The following MOXD1 variants were observed in gnomAD, a reference collection of about 807,000 sequenced individuals.
MOXD1 encodes monooxygenase DBH like 1.
In MOXD1, 62 loss-of-function variants were observed where a neutral mutation model predicts 66.6. The ratio of observed to expected loss-of-function variants is 0.93; its 90% CI spans 0.76 to 1.15. The LOEUF (loss-of-function observed/expected upper bound fraction) is 1.15. MOXD1 is among the 50% of genes most tolerant of loss of function. The pLI, the probability that MOXD1 is intolerant of heterozygous loss-of-function variation, is 0.00. For synonymous variants in MOXD1, 303 were observed against 281.9 expected (o/e 1.07, Z -0.75); for missense variants, 847 against 754.6 (o/e 1.12, Z -1.44).
rs1775223850 is a variant in MOXD1 at position 132,327,997 on chromosome 6, T to C, written c.946+16A>G. On this transcript the variant is annotated intron_variant, in intron 6 of 11. Transcript: ENST00000367963. ...TTATAAAAATCATAGGTAAAACATA[T>C]GAATAATAAACTCACCTTCCTCATA... 1.9e-6 allele frequency: 3 copies of C among 1,591,738 alleles called. No homozygotes were observed. Among genetic ancestry groups the C allele is most frequent in the East Asian group, 4.5e-5 (2 of 44,714 alleles).
At chr6:132,303,728 C>CACACACACACACACACAT (rs1774604439) in intron 10 of MOXD1, among the ~76,000 whole-genome samples, 2 of 144,336 alleles carry the variant, frequency 1.4e-5, no homozygotes, top group African/African-American at 5.3e-5. Context: ...CACACACACA[C>CACACACACACACACACAT]ACACACATTT....
chr6:132,349,379 A>G (rs143995192), intron 4 of MOXD1, among the ~76,000 whole-genome samples: 12,357 of 108,658 alleles, frequency 0.11, 1,643 homozygotes, highest in South Asian at 0.16. Flanking sequence ...ATATATATAC[A>G]TGTATATATA....
chr6:132,349,447 AT>A (rs1775751720), intron 4 of MOXD1, among the ~76,000 whole-genome samples: 2 of 55,974 alleles, frequency 3.6e-5, no homozygotes, highest in Non-Finnish European at 5.7e-5. Flanking sequence ...ATATATATAT[AT>A]ATACATATAT....
intron 4 of MOXD1, among the ~76,000 whole-genome samples, 186 bp from the exon 5 acceptor site, chr6:132,328,780 G>C (rs1358843051): frequency 6.6e-6 from 1 of 152,222 alleles, no homozygotes; most frequent in Non-Finnish European, 1.5e-5. Flanking sequence ...AAGATATGAT[G>C]ATGACAACGG....
At chr6:132,339,963 C>A (rs138968468) in intron 4 of MOXD1, among the ~76,000 whole-genome samples, 4 of 151,766 alleles carry the variant, frequency 2.6e-5, no homozygotes, top group Admixed American at 2.6e-4. Context: ...TTTGCCTCCC[C>A]GGTTCAAGTA....
intron 4 of MOXD1, among the ~76,000 whole-genome samples, chr6:132,367,473 A>G (rs1475113567): frequency 3.3e-5 from 5 of 152,104 alleles, no homozygotes; most frequent in Admixed American, 2.0e-4. Flanking sequence ...AAACTGAGGC[A>G]CAGAGAGGTA....
chr6:132,362,349 T>C (rs1365634442), intron 4 of MOXD1, among the ~76,000 whole-genome samples: 1 of 152,198 alleles, frequency 6.6e-6, no homozygotes, highest in Non-Finnish European at 1.5e-5. Flanking sequence ...TTAGAACAAC[T>C]TCTCAGTTAT....
chr6:132,299,090 CCA>C (rs1774473066), intron 10 of MOXD1, among the ~76,000 whole-genome samples: 1 of 152,042 alleles, frequency 6.6e-6, no homozygotes, highest in Admixed American at 6.6e-5. Context: ...TACTATGTAG[CCA>C]CACAAAAAAA....
intron 1 of MOXD1, among the ~76,000 whole-genome samples, chr6:132,375,484 G>T (rs933617726): frequency 6.6e-6 from 1 of 152,090 alleles, no homozygotes; most frequent in African/African-American, 2.4e-5. Context: ...GAGTGCAATG[G>T]CATGACCTCT....
intron 10 of MOXD1, among the ~76,000 whole-genome samples, chr6:132,302,966 G>T (rs1214673434): frequency 1.3e-5 from 2 of 152,000 alleles, no homozygotes. Context: ...TTCATCAAAT[G>T]GTTCTTGCAC....
intron 9 of MOXD1, among the ~76,000 whole-genome samples, chr6:132,318,419 G>T (rs1336186110): frequency 6.6e-6 from 1 of 151,918 alleles, no homozygotes; most frequent in African/African-American, 2.4e-5. Context: ...TTTATATTTG[G>T]TTTTAAACAA....
At chr6:132,300,880 G>A (rs1774518936) in intron 10 of MOXD1, among the ~76,000 whole-genome samples, 1 of 151,962 alleles carries the variant, frequency 6.6e-6, no homozygotes, top group Non-Finnish European at 1.5e-5. Context: ...CTTGGTTTAG[G>A]CCCCTGTTCT....
chr6:132,313,584 A>G (rs2114552311), intron 10 of MOXD1, among the ~76,000 whole-genome samples: 1 of 152,242 alleles, frequency 6.6e-6, no homozygotes, highest in Non-Finnish European at 1.5e-5. Flanking sequence ...TCCTCACTGA[A>G]TGTTTTTTCA....
At chr6:132,352,274 G>A (rs1047153973) in intron 4 of MOXD1, among the ~76,000 whole-genome samples, 9 of 152,132 alleles carry the variant, frequency 5.9e-5, no homozygotes, top group East Asian at 5.8e-4. Flanking sequence ...ATTTAGGGCC[G>A]TGAACTTTCC....
Position 132,378,703 on chromosome 6 carries a change from A to C in MOXD1, c.265-3926T>G, listed in dbSNP as rs79927948. Reference sequence around the variant, plus strand: ...ACAAAAACCAGCCAAAGTCATTCAGAAAAACAGAGGTACTCTGAATAGCTT... The same window carrying C: ...ACAAAAACCAGCCAAAGTCATTCAGCAAAACAGAGGTACTCTGAATAGCTT... On this transcript the variant is annotated intron_variant, in intron 1 of 11. Coordinates refer to ENST00000367963, the MANE Select transcript of MOXD1 (RefSeq NM_015529.4). Among the ~76,000 whole-genome samples, 1,475 of 152,166 alleles carry C rather than the reference A, an allele frequency of 9.7e-3. 25 individuals carry two copies. Among genetic ancestry groups the C allele is most frequent in the African/African-American group, 0.034 (1,394 of 41,532 alleles).
rs546234630 is a variant in MOXD1 at position 132,357,930 on chromosome 6, T to C, written c.663+14678A>G. On this transcript the variant is annotated intron_variant, in intron 4 of 11. Transcript: ENST00000367963. ...TTTTCTGCAACCATGAAATAAAATG[T>C]TGACAAAAGCAAACAGAAGGTTTAG... Among the ~76,000 whole-genome samples, 157 of 152,142 alleles carry C rather than the reference T, an allele frequency of 1.0e-3. 1 individual carries two copies. Among genetic ancestry groups the C allele is most frequent in the Admixed American group, 1.3e-3 (20 of 15,272 alleles).
chr6:132,303,835 G>A lies in MOXD1; in HGVS notation c.1509-5880C>T, dbSNP rs2788118. On this transcript the variant is annotated intron_variant, in intron 10 of 11. Transcript: ENST00000367963. The stretch of plus-strand genomic sequence containing the variant: ...TGTGTGTGTGTGTGTGTGTGTGTGT[G>A]TATATATATATATATATATATATAT... Among the ~76,000 whole-genome samples, 241 of 47,510 alleles carry A rather than the reference G, an allele frequency of 5.1e-3. 2 individuals are homozygous for A. Among genetic ancestry groups the A allele is most frequent in the Admixed American group, 9.1e-3 (34 of 3,726 alleles). The allele number at this position is 47,510 out of a possible 152,430, so 31.2% of individuals were successfully genotyped here.
chr6:132,365,314 A>T (rs1776097043), intron 4 of MOXD1, among the ~76,000 whole-genome samples: 1 of 152,092 alleles, frequency 6.6e-6, no homozygotes, highest in Admixed American at 6.5e-5. Context: ...TCCATGCTCG[A>T]GGTGCTAAAG....
rs1325274313 is a variant in MOXD1 at position 132,372,823 on chromosome 6, CACTT to C, written c.579+3_579+6del. On this transcript the variant is annotated splice_donor_5th_base_variant and intron_variant, in intron 3 of 11. Transcript: ENST00000367963. ...TCCCTACAATCATAAAACCTGAAAA[CACTT>C]ACGTCCTGATTTACCAGATCAAAGT... is the stretch of plus-strand genomic sequence containing the variant. 6.2e-7 allele frequency: 1 copy of C among 1,612,942 alleles called. No homozygotes were observed. Among genetic ancestry groups the C allele is most frequent in the Non-Finnish European group, 8.5e-7 (1 of 1,179,162 alleles).
Sources: gnomAD v4.1 joint callset for allele counts (sites outside exome capture counted in the v4.1 genomes callset) on GRCh38, gnomAD v4.1.1 for gene constraint, MANE v1.5 for transcripts, NCBI Gene and HGNC (gene_info 2026-07-23, HGNC 2026-07-21) for gene names.